Variants in FOXP2 observed in about 807,000 individuals in gnomAD.
The protein encoded by FOXP2 is forkhead box P2, also known as forkhead box protein P2.
A neutral mutation model predicts 115.8 loss-of-function variants in FOXP2; 12 were observed. The observed-to-expected ratio is 0.10, with a 90% confidence interval of 0.07 to 0.17. FOXP2 has a LOEUF of 0.17. FOXP2 is among the 10% of genes least tolerant of loss of function. The pLI is 1.00. For missense variants in FOXP2, 629 were observed against 843.5 expected, an observed-to-expected ratio of 0.75 and a Z score of 3.15; for synonymous variants, 328 against 297.7, an observed-to-expected ratio of 1.10 and a Z score of -1.05.
rs578091731 is a variant in FOXP2 at position 114,266,496 on chromosome 7, C to T, written c.-101-21523C>T. On this transcript the variant is annotated intron_variant, in intron 1 of 17. Coordinates refer to the FOXP2 transcript ENST00000634411. ...AAGCAGGAGCAGGCATTTCACATGGCAAAAGCAGAAGCAAGAGAGAGAGTT... is the reference window on the plus strand; with the variant it reads ...AAGCAGGAGCAGGCATTTCACATGGTAAAAGCAGAAGCAAGAGAGAGAGTT... Among the ~76,000 whole-genome samples, 11 of 152,212 alleles carry T rather than the reference C, an allele frequency of 7.2e-5. No individual in the cohort carries two copies. In the South Asian group the frequency reaches 2.3e-3, roughly 32 times the overall value.
At chr7:114,557,807 A>ATTTATTTG in intron 3 of FOXP2, among the ~76,000 whole-genome samples, 1 of 151,094 alleles carries the variant, frequency 6.6e-6, no homozygotes, top group Admixed American at 6.6e-5. Context: ...TTATTTATTT[A>ATTTATTTG]TTTATTTATT....
At chr7:114,087,132 C>T (rs1212041763), upstream of FOXP2, among the ~76,000 whole-genome samples, 1 of 151,958 alleles carries the variant, frequency 6.6e-6, no homozygotes, top group Non-Finnish European at 1.5e-5. Flanking sequence ...ATTGATCCAA[C>T]TGCTGACCTT....
At chr7:114,239,519 T>C (rs1041903665) in intron 1 of FOXP2, among the ~76,000 whole-genome samples, 1 of 152,188 alleles carries the variant, frequency 6.6e-6, no homozygotes, top group Non-Finnish European at 1.5e-5. Flanking sequence ...GGAAACAGCA[T>C]CTGCAGAAAT....
chr7:114,200,939 G>C (rs1224023158), intron 1 of FOXP2, among the ~76,000 whole-genome samples: 2 of 152,134 alleles, frequency 1.3e-5, no homozygotes, highest in African/African-American at 4.8e-5. Flanking sequence ...TGGATCACCT[G>C]AGGTCAGGTG....
chr7:114,486,780 G>A (rs955360841), intron 2 of FOXP2, among the ~76,000 whole-genome samples: 3 of 152,180 alleles, frequency 2.0e-5, no homozygotes, highest in African/African-American at 7.2e-5. Flanking sequence ...AAATCTTAAA[G>A]CTCTGAAATG....
intron 16 of FOXP2, among the ~76,000 whole-genome samples, chr7:114,682,891 G>A (rs955354488): frequency 6.6e-6 from 1 of 152,044 alleles, no homozygotes; most frequent in Non-Finnish European, 1.5e-5. Flanking sequence ...CCAATTTATA[G>A]GCATAGGTAC....
rs113853878 is a variant in FOXP2 at position 114,266,072 on chromosome 7, G to GAA, written c.-101-21938_-101-21937dup. On this transcript the variant is annotated intron_variant, in intron 1 of 17. Transcript: ENST00000634411. ...TTGTCTTGAATATTAGCACTTCAAT[G>GAA]AAAAAAAAAACAAAAAACTGGACCT... Among the ~76,000 whole-genome samples, 618 of 144,968 alleles carry GAA rather than the reference G, an allele frequency of 4.3e-3. 5 individuals carry two copies. The highest frequency in any genetic ancestry group is 0.015 in the African/African-American group (580 of 39,850).
intron 1 of FOXP2, among the ~76,000 whole-genome samples, chr7:114,269,708 T>C (rs188519153): frequency 8.5e-5 from 13 of 152,326 alleles, no homozygotes; most frequent in Admixed American, 8.5e-4. Context: ...CTCAACACAA[T>C]TCATTTACCT....
intron 16 of FOXP2, among the ~76,000 whole-genome samples, chr7:114,688,919 G>A (rs778840394): frequency 1.8e-4 from 27 of 152,018 alleles, no homozygotes; most frequent in Non-Finnish European, 3.4e-4. Context: ...GAGAGATTGC[G>A]GTTTCTATTA....
At chr7:114,573,045 C>T (rs1206928084) in intron 3 of FOXP2, among the ~76,000 whole-genome samples, 1 of 151,680 alleles carries the variant, frequency 6.6e-6, no homozygotes, top group African/African-American at 2.4e-5. Context: ...AGAAAGAGCA[C>T]CAGTATGAGT....
intron 2 of FOXP2, among the ~76,000 whole-genome samples, chr7:114,390,627 C>T (rs1388249870): frequency 1.3e-5 from 2 of 151,976 alleles, no homozygotes; most frequent in African/African-American, 2.4e-5. Flanking sequence ...GATCACTGCT[C>T]ACTGGAGCCT....
chr7:114,462,465 G>A (rs1180581394), intron 2 of FOXP2, among the ~76,000 whole-genome samples: 12 of 139,774 alleles, frequency 8.6e-5, no homozygotes, highest in African/African-American at 3.2e-4. Flanking sequence ...TCCGCCTCCC[G>A]AGTTCAAGCG....
chr7:114,206,896 G>A (rs1234710260), intron 1 of FOXP2, among the ~76,000 whole-genome samples: 1 of 152,078 alleles, frequency 6.6e-6, no homozygotes, highest in Non-Finnish European at 1.5e-5. Context: ...GCAACTGTCA[G>A]CATTATCAAA....
chr7:114,200,775 T>C (rs1276351946), intron 1 of FOXP2, among the ~76,000 whole-genome samples: 1 of 152,246 alleles, frequency 6.6e-6, no homozygotes, highest in Non-Finnish European at 1.5e-5. Context: ...AAATTACTTT[T>C]TTCCCCTATG....
chr7:114,492,195 G>A (rs1406320445), intron 2 of FOXP2, among the ~76,000 whole-genome samples: 1 of 152,148 alleles, frequency 6.6e-6, no homozygotes, highest in African/African-American at 2.4e-5. Flanking sequence ...TAGTTTATTT[G>A]CGTAGAGGTG....
At chr7:114,679,643 A>G (rs1385875326) in intron 16 of FOXP2, among the ~76,000 whole-genome samples, 1 of 151,722 alleles carries the variant, frequency 6.6e-6, no homozygotes, top group Non-Finnish European at 1.5e-5. Context: ...TCCTTCCCCC[A>G]TGCACTCTCA....
chr7:114,224,725 C>T (rs1027237345), intron 1 of FOXP2, among the ~76,000 whole-genome samples: 1 of 151,964 alleles, frequency 6.6e-6, no homozygotes, highest in Non-Finnish European at 1.5e-5. Flanking sequence ...TCATATGTTG[C>T]CTGAGTTGGC....
intron 1 of FOXP2, among the ~76,000 whole-genome samples, chr7:114,091,581 C>A (rs767865761): frequency 6.6e-6 from 1 of 151,830 alleles, no homozygotes; most frequent in African/African-American, 2.4e-5. Flanking sequence ...CAGAGTATAT[C>A]TGTGCTCTAA....
At chr7:114,198,320 A>T (rs149208691) in intron 1 of FOXP2, among the ~76,000 whole-genome samples, 1 of 152,170 alleles carries the variant, frequency 6.6e-6, no homozygotes, top group African/African-American at 2.4e-5. Context: ...CATAGAAATC[A>T]TTGAGACCAT....
Sources: allele counts gnomAD v4.1 joint callset (sites outside exome capture counted in the v4.1 genomes callset), GRCh38; gene constraint gnomAD v4.1.1; transcripts MANE v1.5; gene names NCBI Gene and HGNC (gene_info 2026-07-23, HGNC 2026-07-21).